ARID4B: variants seen among roughly 807,000 people sequenced by gnomAD.
ARID4B encodes AT-rich interaction domain 4B.
ARID4B carries 26 observed loss-of-function variants against 147.5 expected under a neutral mutation model. The ratio of observed to expected loss-of-function variants is 0.18; its 90% CI spans 0.13 to 0.24. The LOEUF is 0.24. Among genes scored for constraint, ARID4B ranks in the 10% least tolerant of loss-of-function variants. ARID4B has a pLI of 1.00. For missense variants in ARID4B, 1,179 were observed against 1,511.5 expected, an observed-to-expected ratio of 0.78 and a Z score of 3.65; for synonymous variants, 512 against 507.9, an observed-to-expected ratio of 1.01 and a Z score of -0.11.
At chr1:235,197,769 G>C (rs1290626818) in intron 17 of ARID4B, among the ~76,000 whole-genome samples, 1 of 152,124 alleles carries the variant, frequency 6.6e-6, no homozygotes, top group Non-Finnish European at 1.5e-5. Context: ...ACTGGTGTAA[G>C]TACAAATATA....
At position 235,267,448 on chromosome 1, in the gene ARID4B, A is replaced by C. The variant is rs56986124; in HGVS notation, c.7-6696T>G. ...GAATGAACAAAATATACTTGCATTT[A>C]TATACCAAACAGTGTACCATTTAAA... is the stretch of plus-strand genomic sequence containing the variant. On this transcript the variant is annotated intron_variant, in intron 2 of 23. Coordinates refer to ENST00000264183, the MANE Select transcript of ARID4B (RefSeq NM_016374.6). Among the ~76,000 whole-genome samples, 1,181 of 152,352 alleles carry C rather than the reference A, an allele frequency of 7.8e-3. 16 individuals are homozygous for C. The highest frequency in any genetic ancestry group is 0.027 in the African/African-American group (1,139 of 41,576).
intron 13 of ARID4B, among the ~76,000 whole-genome samples, chr1:235,222,674 A>T (rs569221549): frequency 7.0e-6 from 1 of 143,124 alleles, no homozygotes; most frequent in East Asian, 2.0e-4. Flanking sequence ...ATATGAAAAA[A>T]AATCTTTTTT....
At chr1:235,325,872 C>T (rs1489290950) in intron 2 of ARID4B, among the ~76,000 whole-genome samples, 1 of 152,170 alleles carries the variant, frequency 6.6e-6, no homozygotes, top group African/African-American at 2.4e-5. Flanking sequence ...TCTACAACCA[C>T]AAGTATTACA....
intron 2 of ARID4B, among the ~76,000 whole-genome samples, chr1:235,309,878 C>T (rs933155501): frequency 6.6e-6 from 1 of 152,094 alleles, no homozygotes; most frequent in African/African-American, 2.4e-5. Flanking sequence ...CCTTACTTAC[C>T]CCCAACCCTG....
chr1:235,218,416 G>A (rs552395347), intron 16 of ARID4B, among the ~76,000 whole-genome samples: 1 of 152,274 alleles, frequency 6.6e-6, no homozygotes, highest in Non-Finnish European at 1.5e-5. Context: ...AACAGCAGAT[G>A]TTCCAGAAAC....
At chr1:235,195,776 G>A (rs1665452110) in intron 18 of ARID4B, among the ~76,000 whole-genome samples, 1 of 152,134 alleles carries the variant, frequency 6.6e-6, no homozygotes, top group African/African-American at 2.4e-5. Flanking sequence ...AGAGGGGAAG[G>A]AAATGGCAGA....
At chr1:235,180,895 G>A (rs1194029447) in intron 20 of ARID4B, 2 of 159,442 alleles carry the variant, frequency 1.3e-5, no homozygotes. Context: ...CAGAAGTATG[G>A]CTATGGCACC....
intron 7 of ARID4B, among the ~76,000 whole-genome samples, chr1:235,245,670 T>C (rs924745365): frequency 1.3e-5 from 2 of 152,180 alleles, no homozygotes; most frequent in South Asian, 2.1e-4. Context: ...CATATATAAA[T>C]GAAACTGTTA....
At chr1:235,259,338 T>C (rs1250616716) in intron 3 of ARID4B, among the ~76,000 whole-genome samples, 1 of 152,250 alleles carries the variant, frequency 6.6e-6, no homozygotes, top group East Asian at 1.9e-4. Context: ...GCATGGGTCC[T>C]GGAGTGACAC....
chr1:235,194,331 A>G, intron 18 of ARID4B, 120 bp from the exon 19 acceptor site: 1 of 802,220 alleles, frequency 1.2e-6, no homozygotes, highest in Non-Finnish European at 1.9e-6. Context: ...CATAAAAAGA[A>G]AGAACATAAG....
Position 235,224,772 on chromosome 1 carries a change from CTTCCTAATTT to C in ARID4B, c.898-7_900del. On this transcript the variant is annotated splice_acceptor_variant and splice_polypyrimidine_tract_variant and coding_sequence_variant and intron_variant, in exon 12 of 24. Transcript: ENST00000264183. LOFTEE classifies it high-confidence loss of function. Reference sequence around the variant, plus strand: ...CTTTCTTCTGGAAATGGTTCTATTTCTTCCTAATTTTAATCACAGAAGAATATTATTTTCT... The same window carrying C: ...CTTTCTTCTGGAAATGGTTCTATTTCTAATCACAGAAGAATATTATTTTCT... 6.3e-7 allele frequency: 1 copy of C among 1,581,444 alleles called. No homozygotes were observed. The highest frequency in any genetic ancestry group is 8.7e-7 in the Non-Finnish European group (1 of 1,155,956).
intron 20 of ARID4B, among the ~76,000 whole-genome samples, chr1:235,178,354 T>C (rs1664035485): frequency 6.6e-6 from 1 of 152,192 alleles, no homozygotes; most frequent in Non-Finnish European, 1.5e-5. Flanking sequence ...TTAAATGATA[T>C]AAATGAGGTA....
At chr1:235,288,720 T>A (rs1000264307) in intron 2 of ARID4B, among the ~76,000 whole-genome samples, 1 of 152,226 alleles carries the variant, frequency 6.6e-6, no homozygotes, top group African/African-American at 2.4e-5. Flanking sequence ...ATGGGCTGCT[T>A]CTGGGTAGGT....
At chr1:235,170,830 T>C (rs935345645) in intron 23 of ARID4B, among the ~76,000 whole-genome samples, 1 of 150,534 alleles carries the variant, frequency 6.6e-6, no homozygotes, top group Non-Finnish European at 1.5e-5. Context: ...GGAGAATCGC[T>C]TGAACCGGAA....
At chr1:235,299,334 C>T (rs569407601) in intron 2 of ARID4B, among the ~76,000 whole-genome samples, 6 of 152,144 alleles carry the variant, frequency 3.9e-5, no homozygotes, top group Admixed American at 6.5e-5. Flanking sequence ...CTGCCTCAGC[C>T]GCCCGAGTAG....
intron 9 of ARID4B, among the ~76,000 whole-genome samples, chr1:235,232,278 G>A (rs1393195394): frequency 6.6e-6 from 1 of 151,804 alleles, no homozygotes; most frequent in East Asian, 1.9e-4. Flanking sequence ...AAATTAGCTG[G>A]GTGTGGTGGT....
chr1:235,313,534 C>CT (rs1446858164), intron 2 of ARID4B, among the ~76,000 whole-genome samples: 1 of 152,068 alleles, frequency 6.6e-6, no homozygotes, highest in African/African-American at 2.4e-5. Context: ...CTTCAGGTGG[C>CT]TGACTACACC....
In ARID4B at chr1:235,193,993, A is replaced by C. The variant is rs773895032; in HGVS notation, c.2125+20T>G. 5 of 1,521,830 alleles carry C rather than the reference A, an allele frequency of 3.3e-6. No individual in the cohort carries two copies. Among genetic ancestry groups the C allele is most frequent in the Non-Finnish European group, 4.5e-6 (5 of 1,106,788 alleles). The allele number at this position is 1,521,830 out of a possible 1,614,324, so 94.3% of individuals were successfully genotyped here. A position where few individuals can be genotyped will look rare whatever the true frequency, so the allele number is the denominator to read the frequency against. On this transcript the variant is annotated intron_variant, in intron 19 of 23. Coordinates refer to ENST00000264183, the MANE Select transcript of ARID4B (RefSeq NM_016374.6). Reference sequence around the variant, plus strand: ...AATTAAAATCAAATACTTGCACAACAGAACGATTGTTATGTTTACCTTGAA... The same window carrying C: ...AATTAAAATCAAATACTTGCACAACCGAACGATTGTTATGTTTACCTTGAA...
chr1:235,317,479 T>C (rs1674521564), intron 2 of ARID4B, among the ~76,000 whole-genome samples: 2 of 152,250 alleles, frequency 1.3e-5, no homozygotes, highest in Admixed American at 6.5e-5. Flanking sequence ...GACTCTTTCA[T>C]TATGTCCCTT....
Sources: allele counts gnomAD v4.1 joint callset (sites outside exome capture counted in the v4.1 genomes callset), GRCh38; gene constraint gnomAD v4.1.1; transcripts MANE v1.5; gene names NCBI Gene and HGNC (gene_info 2026-07-23, HGNC 2026-07-21).